The following WDR47 variants were observed in gnomAD, a reference collection of about 807,000 sequenced individuals.
WDR47 encodes WD repeat domain 47, also known as WD repeat-containing protein 47.
WDR47 carries 32 observed loss-of-function variants against 97.2 expected under a neutral mutation model. The observed-to-expected ratio is 0.33, with a 90% confidence interval of 0.25 to 0.44. WDR47 has a LOEUF of 0.44. WDR47 is among the 20% of genes least tolerant of loss of function. The probability of loss-of-function intolerance (pLI) is 1.00; values close to 1 mark genes in which losing one functional copy is unlikely to be tolerated. For missense variants in WDR47, 782 were observed against 1,102.3 expected (o/e 0.71, Z 4.11); for synonymous variants, 375 against 373.5 (o/e 1.00, Z -0.05).
Position 108,971,268 on chromosome 1 carries a change from A to AAC in WDR47, c.*160_*161dup. On this transcript the variant is annotated 3_prime_UTR_variant, in exon 15 of 15. Transcript: ENST00000369962. Reference sequence around the variant, plus strand: ...TGGAAGACTGAAAGCACTGCGGAATAACACCACCCAACACCTCCTATCAGT... The same window carrying AAC: ...TGGAAGACTGAAAGCACTGCGGAATAACACACCACCCAACACCTCCTATCAGT... The AAC allele has an allele frequency of 1.1e-6, 1 of 948,372 alleles. No homozygotes were observed. 58.7% of individuals were successfully genotyped at this position (948,372 alleles called of 1,614,324 possible). A position where few individuals can be genotyped will look rare whatever the true frequency, so the allele number is the denominator to read the frequency against.
chr1:109,001,251 T>C lies in WDR47; in HGVS notation c.1433+973A>G, dbSNP rs551106388. The stretch of plus-strand genomic sequence containing the variant: ...TTGCAGTGAGCGAAGATCGCGCCAC[T>C]GTACTCCAGCCTGGGTGACAGAGTA... On this transcript the variant is annotated intron_variant, in intron 7 of 14. Transcript: ENST00000369962. Among the ~76,000 whole-genome samples, 45 of 152,310 alleles carry C rather than the reference T, an allele frequency of 3.0e-4. 1 individual carries two copies. Among genetic ancestry groups the C allele is most frequent in the African/African-American group, 1.1e-3 (44 of 41,584 alleles).
intron 6 of WDR47, 130 bp downstream of exon 6, chr1:109,004,462 T>C: frequency 8.8e-7 from 1 of 1,139,300 alleles, no homozygotes; most frequent in Non-Finnish European, 1.2e-6. Flanking sequence ...AATAAGCTAA[T>C]AATAAGAAAA....
chr1:109,022,608 G>A (rs372656737), intron 2 of WDR47, among the ~76,000 whole-genome samples: 6 of 151,842 alleles, frequency 4.0e-5, no homozygotes, highest in East Asian at 3.9e-4. Flanking sequence ...TTTTTGAGAC[G>A]GAGTCTCACT....
chr1:109,000,625 G>A (rs886111172), intron 7 of WDR47, among the ~76,000 whole-genome samples: 5 of 151,512 alleles, frequency 3.3e-5, no homozygotes, highest in African/African-American at 1.2e-4. Flanking sequence ...GCAGCGAGCC[G>A]TGATCAGATT....
chr1:109,009,497 G>A (rs973419758), intron 5 of WDR47, among the ~76,000 whole-genome samples: 1 of 152,122 alleles, frequency 6.6e-6, no homozygotes, highest in Non-Finnish European at 1.5e-5. Context: ...ACACTACTAT[G>A]TACAGGAGAA....
intron 13 of WDR47, among the ~76,000 whole-genome samples, chr1:108,977,179 T>A (rs1401073341): frequency 6.6e-6 from 1 of 151,672 alleles, no homozygotes; most frequent in African/African-American, 2.4e-5. Flanking sequence ...TGAGACAGAG[T>A]CTCACTCTGT....
At position 108,981,869 on chromosome 1, in the gene WDR47, A is replaced by T. The variant is rs1297044359; in HGVS notation, c.2267-5T>A. ...TATAAAGTGCTAAAATATGCCCTAT[A>T]AAAGATCATATACTCAATTATTAAG... On this transcript the variant is annotated splice_region_variant and splice_polypyrimidine_tract_variant and intron_variant, in intron 12 of 14. Transcript: ENST00000369962. The T allele has an allele frequency of 6.2e-7, 1 of 1,610,620 alleles. No homozygotes were observed. Among genetic ancestry groups the T allele is most frequent in the African/African-American group, 1.3e-5 (1 of 74,786 alleles).
intron 9 of WDR47, among the ~76,000 whole-genome samples, chr1:108,988,906 C>A (rs1659081083): frequency 6.6e-6 from 1 of 151,908 alleles, no homozygotes; most frequent in Admixed American, 6.6e-5. Context: ...TATAGGCATG[C>A]ACCACCACAC....
intron 3 of WDR47, among the ~76,000 whole-genome samples, chr1:109,017,150 A>C (rs971573491): frequency 1.3e-5 from 2 of 152,200 alleles, no homozygotes; most frequent in African/African-American, 4.8e-5. Context: ...CTAATAGCAA[A>C]AGAAAGGGTC....
intron 2 of WDR47, among the ~76,000 whole-genome samples, chr1:109,021,747 G>C (rs529456889): frequency 6.7e-6 from 1 of 149,848 alleles, no homozygotes; most frequent in Admixed American, 6.7e-5. Context: ...GGCTGGTCTC[G>C]AACTCCTAAC....
chr1:108,981,741 T>G lies in WDR47; in HGVS notation c.2390A>C (p.His797Pro). 6.2e-7 allele frequency: 1 copy of G among 1,611,982 alleles called. No individual in the cohort carries two copies. The highest frequency in any genetic ancestry group is 8.5e-7 in the Non-Finnish European group (1 of 1,179,176). Residue 797 changes from histidine (H) to proline (P), a missense_variant, in exon 13 of 15, where the codon CAT becomes CCT. This residue lies in a region of WDR47 where 228 missense variants were observed against 396.7 expected (regional missense o/e 0.57). Coordinates refer to ENST00000369962, the MANE Select transcript of WDR47 (RefSeq NM_001142551.2). ...TTTAAAGAAAAACCTACCAGTTCCA[T>G]GAAATGTTGTGCCAACAACACGAAC... Reference protein sequence around the residue: ...SCVRVVGTTFHGTGSAVASVA... With the variant: ...SCVRVVGTTFPGTGSAVASVA...
At chr1:108,974,946 A>G (rs1657767707) in intron 13 of WDR47, among the ~76,000 whole-genome samples, 192 bp from the exon 14 acceptor site, 1 of 152,222 alleles carries the variant, frequency 6.6e-6, no homozygotes, top group South Asian at 2.1e-4. Flanking sequence ...GGCCTAAACA[A>G]AATTTTGTAA....
chr1:109,019,221 A>G (rs534148764), intron 2 of WDR47, among the ~76,000 whole-genome samples: 1 of 152,136 alleles, frequency 6.6e-6, no homozygotes, highest in Non-Finnish European at 1.5e-5. Flanking sequence ...CATCTCTACT[A>G]AAAATACAAA....
At chr1:109,041,504 CGA>C (rs1663363519) in intron 1 of WDR47, 1 of 152,264 alleles carries the variant, frequency 6.6e-6, no homozygotes, top group African/African-American at 2.4e-5. Flanking sequence ...GGCGCAGCGG[CGA>C]GATGGGCACG....
chr1:108,998,332 G>A (rs188666556), intron 7 of WDR47, among the ~76,000 whole-genome samples: 9 of 152,068 alleles, frequency 5.9e-5, no homozygotes, highest in Non-Finnish European at 1.0e-4. Flanking sequence ...GTGAAACCTC[G>A]TCTTTACTAA....
chr1:109,012,473 T>C (rs1432856225), intron 4 of WDR47, among the ~76,000 whole-genome samples: 2 of 147,018 alleles, frequency 1.4e-5, no homozygotes, highest in Non-Finnish European at 3.0e-5. Context: ...CTTGAGAGGC[T>C]GAGGCAGGAG....
chr1:108,984,875 T>G (rs1658656433), intron 10 of WDR47, among the ~76,000 whole-genome samples: 1 of 152,040 alleles, frequency 6.6e-6, no homozygotes, highest in African/African-American at 2.4e-5. Flanking sequence ...AGACTCTGTC[T>G]CAAAACAAAA....
intron 4 of WDR47, 39 bp from the exon 5 acceptor site, chr1:109,011,757 A>C (rs773882111): frequency 1.3e-6 from 2 of 1,518,732 alleles, no homozygotes; most frequent in East Asian, 4.5e-5. Flanking sequence ...ATCACTATAA[A>C]AAACATGCTA....
At chr1:108,986,401 G>T in intron 10 of WDR47, 122 bp downstream of exon 10, 1 of 850,612 alleles carries the variant, frequency 1.2e-6, no homozygotes, top group Non-Finnish European at 1.7e-6. Context: ...AGAAAATAAA[G>T]TTTAATCGAA....
Sources: gnomAD v4.1 joint callset for allele counts (sites outside exome capture counted in the v4.1 genomes callset) on GRCh38, gnomAD v4.1.1 for gene constraint, gnomAD v4.1.1 regional missense constraint, MANE v1.5 for transcripts, NCBI Gene and HGNC (gene_info 2026-07-23, HGNC 2026-07-21) for gene names.